Variants in ARPC1B observed in about 807,000 individuals in gnomAD.
ARPC1B encodes the protein actin-related protein 2/3 complex subunit 1B.
ARPC1B carries 29 observed loss-of-function variants against 46.0 expected under a neutral mutation model. The observed-to-expected ratio is 0.63, with a 90% CI of 0.47 to 0.86. The LOEUF is 0.86. Among genes scored for constraint, ARPC1B ranks in the 40% least tolerant of loss-of-function variants. The probability of loss-of-function intolerance (pLI) is 0.00; values close to 1 mark genes in which losing one functional copy is unlikely to be tolerated. For synonymous variants in ARPC1B, 201 were observed against 213.9 expected, an observed-to-expected ratio of 0.94 and a Z score of 0.53; for missense variants, 469 against 529.4, an observed-to-expected ratio of 0.89 and a Z score of 1.12.
Position 99,385,784 on chromosome 7 carries a change from T to C in ARPC1B, c.64+6T>C. Reference sequence around the variant, plus strand: ...CTGGAACAAGGACCGCACCCGTGAGTGCTTGCTGGGGGCCGGTGGGTGGCT... The same window carrying C: ...CTGGAACAAGGACCGCACCCGTGAGCGCTTGCTGGGGGCCGGTGGGTGGCT... On this transcript the variant is annotated splice_donor_region_variant and intron_variant, in intron 2 of 9. Coordinates refer to ENST00000646101, the MANE Select transcript of ARPC1B (RefSeq NM_005720.4). 6.2e-7 allele frequency: 1 copy of C among 1,607,034 alleles called. No homozygotes were observed. The highest frequency in any genetic ancestry group is 8.5e-7 in the Non-Finnish European group (1 of 1,178,236).
At chr7:99,391,600 T>C (rs1794572680) in intron 7 of ARPC1B, among the ~76,000 whole-genome samples, 1 of 151,970 alleles carries the variant, frequency 6.6e-6, no homozygotes, top group South Asian at 2.1e-4. Context: ...GTTAAGAAAT[T>C]AGCTGGGTGT....
At chr7:99,393,061 C>T (rs897956482) in intron 8 of ARPC1B, among the ~76,000 whole-genome samples, 185 bp downstream of exon 8, 4 of 151,910 alleles carry the variant, frequency 2.6e-5, no homozygotes, top group African/African-American at 7.2e-5. Flanking sequence ...TGATGAGCGG[C>T]GGGCCCGGAC....
At position 99,391,074 on chromosome 7, in the gene ARPC1B, C is replaced by T. The variant is rs748924502; in HGVS notation, c.682C>T (p.Leu228=). ...AWVSHDSTVC[L]ADADKKMAVA... is the part of the protein sequence containing the mutation. ...GGTAAGCCACGACAGCACCGTCTGC[C>T]TGGCTGATGCCGACAAGAAGATGGC... is the stretch of plus-strand genomic sequence containing the variant. The change falls in exon 6 of 10, where the codon CTG becomes TTG. Residue 228 remains leucine (L), a synonymous_variant. Transcript: ENST00000646101. The T allele has an allele frequency of 3.1e-6, 5 of 1,613,756 alleles. No homozygotes were observed. Among genetic ancestry groups the T allele is most frequent in the South Asian group, 2.2e-5 (2 of 91,022 alleles).
In ARPC1B at chr7:99,391,119, A is replaced by C; in HGVS notation, c.707+20A>C. 3 of 1,612,532 alleles carry C rather than the reference A, an allele frequency of 1.9e-6. No individual in the cohort carries two copies. The highest frequency in any genetic ancestry group is 2.5e-6 in the Non-Finnish European group (3 of 1,179,094). ...GATGGCGTGAGTCGAGGCCATCCCC[A>C]GGGGAGGAGGTGAGTGCAGAGGAGT... is the stretch of plus-strand genomic sequence containing the variant. On this transcript the variant is annotated intron_variant, in intron 6 of 9. Coordinates refer to ENST00000646101, the MANE Select transcript of ARPC1B (RefSeq NM_005720.4).
chr7:99,375,091 G>C (rs1325637495), intron 1 of ARPC1B, among the ~76,000 whole-genome samples: 1 of 139,808 alleles, frequency 7.2e-6, no homozygotes, highest in African/African-American at 3.3e-5. Context: ...GTGGAAACGC[G>C]GGCTCCCAGC....
At position 99,392,855 on chromosome 7, in the gene ARPC1B, C is replaced by G. The variant is rs553820051; in HGVS notation, c.968C>G (p.Ser323Trp). ...GGTAAGAGLD[S>W]LHKNSVSQIS... The stretch of plus-strand genomic sequence containing the variant: ...ACGGCTGCGGGCGCGGGCCTAGACT[C>G]GCTGCACAAGAACAGCGTCAGGTGA... Residue 323 changes from serine (S) to tryptophan (W), a missense_variant, in exon 8 of 10, where the codon TCG becomes TGG. Transcript: ENST00000646101. 1.0e-5 allele frequency: 16 copies of G among 1,546,890 alleles called. No homozygotes were observed. The highest frequency in any genetic ancestry group is 1.3e-5 in the Non-Finnish European group (15 of 1,144,540).
At chr7:99,377,997 T>C (rs1017318002) in intron 1 of ARPC1B, among the ~76,000 whole-genome samples, 4 of 152,124 alleles carry the variant, frequency 2.6e-5, no homozygotes, top group African/African-American at 9.7e-5. Flanking sequence ...CATAATTTAC[T>C]CTTTCCATAT....
chr7:99,379,657 C>A (rs1312248958), intron 1 of ARPC1B, among the ~76,000 whole-genome samples: 1 of 152,056 alleles, frequency 6.6e-6, no homozygotes, highest in African/African-American at 2.4e-5. Context: ...GCTGAGGGCA[C>A]CCAGCCAGTA....
In ARPC1B at chr7:99,391,040, C is replaced by T. The variant is rs117071116; in HGVS notation, c.648C>T (p.Arg216=). ...HGVCFSASGS[R]VAWVSHDSTV... ...TCTGTTTCTCAGCCAGCGGGAGCCGCGTGGCCTGGGTAAGCCACGACAGCA... is the reference window on the plus strand; with the variant it reads ...TCTGTTTCTCAGCCAGCGGGAGCCGTGTGGCCTGGGTAAGCCACGACAGCA... The change falls in exon 6 of 10, where the codon CGC becomes CGT. Residue 216 remains arginine, a synonymous_variant. Coordinates refer to ENST00000646101, the MANE Select transcript of ARPC1B (RefSeq NM_005720.4). 5.4e-4 allele frequency: 871 copies of T among 1,613,996 alleles called. 7 individuals are homozygous for T. In the East Asian group the frequency reaches 0.012, roughly 22 times the overall value.
At chr7:99,379,278 G>A (rs1794134113) in intron 1 of ARPC1B, among the ~76,000 whole-genome samples, 1 of 152,166 alleles carries the variant, frequency 6.6e-6, no homozygotes, top group Admixed American at 6.6e-5. Context: ...GGTACCTTAC[G>A]ATTGTTTTCA....
chr7:99,394,554 T>C lies in ARPC1B; in HGVS notation c.*65T>C. On this transcript the variant is annotated 3_prime_UTR_variant, in exon 10 of 10. Coordinates refer to ENST00000646101, the MANE Select transcript of ARPC1B (RefSeq NM_005720.4). ...AAGCGGGGAGAGGGGTCAGGGAGGC[T>C]AATGGTTGCTTTGCTGAATGTTTCT... The C allele has an allele frequency of 6.2e-7, 1 of 1,612,028 alleles. No individual in the cohort carries two copies. The highest frequency in any genetic ancestry group is 1.1e-5 in the South Asian group (1 of 90,868).
rs758934238 is a variant in ARPC1B at position 99,390,875 on chromosome 7, C to A, written c.501-18C>A. The stretch of plus-strand genomic sequence containing the variant: ...ACCATGCCTGGCTACTTTACCTCTA[C>A]TTTGCCTATCCCGGTAGGATCTTTT... On this transcript the variant is annotated intron_variant, in intron 5 of 9. Transcript: ENST00000646101. 1.3e-6 allele frequency: 2 copies of A among 1,583,754 alleles called. No homozygotes were observed. The highest frequency in any genetic ancestry group is 2.3e-5 in the East Asian group (1 of 44,368).
chr7:99,385,398 G>A (rs1030769521), intron 1 of ARPC1B, among the ~76,000 whole-genome samples: 8 of 149,942 alleles, frequency 5.3e-5, no homozygotes, highest in Non-Finnish European at 8.9e-5. Context: ...ACCCCACCCC[G>A]CCCCAGGGAG....
At chr7:99,387,619 C>T (rs1794433847) in intron 3 of ARPC1B, among the ~76,000 whole-genome samples, 1 of 151,872 alleles carries the variant, frequency 6.6e-6, no homozygotes, top group South Asian at 2.1e-4. Context: ...TGCCTGTAAT[C>T]CCAGCTACTT....
At chr7:99,375,439 G>C (rs1794008147) in intron 1 of ARPC1B, among the ~76,000 whole-genome samples, 1 of 152,188 alleles carries the variant, frequency 6.6e-6, no homozygotes, top group Admixed American at 6.5e-5. Context: ...CACCCCCTCA[G>C]CTGCAGGGCT....
intron 8 of ARPC1B, among the ~76,000 whole-genome samples, chr7:99,393,368 G>C (rs1332542893): frequency 6.6e-6 from 1 of 152,158 alleles, no homozygotes; most frequent in Non-Finnish European, 1.5e-5. Context: ...GCATTTCCGG[G>C]ACTTAGGTGG....
chr7:99,392,660 C>A lies in ARPC1B; in HGVS notation c.784-11C>A. ...TCCGCGGCGCTCCAATGGCCCCCGC[C>A]CTCCGCGCAGGGCCACGACTGCTTC... is the stretch of plus-strand genomic sequence containing the variant. On this transcript the variant is annotated splice_polypyrimidine_tract_variant and intron_variant, in intron 7 of 9. Transcript: ENST00000646101. The A allele has an allele frequency of 6.7e-7, 1 of 1,499,742 alleles. No homozygotes were observed. The allele number at this position is 1,499,742 out of a possible 1,614,324, so 92.9% of individuals were successfully genotyped here.
Position 99,391,175 on chromosome 7 carries a change from C to T in ARPC1B, c.708-3C>T, listed in dbSNP as rs377169175. On this transcript the variant is annotated splice_polypyrimidine_tract_variant and splice_region_variant and intron_variant, in intron 6 of 9. Transcript: ENST00000646101. ...ACCGTGACTCACAGCTCTCTCCCCTCAGCGTCGCGACTCTGGCCTCTGAAA... is the reference window on the plus strand; with the variant it reads ...ACCGTGACTCACAGCTCTCTCCCCTTAGCGTCGCGACTCTGGCCTCTGAAA... 6.2e-7 allele frequency: 1 copy of T among 1,613,852 alleles called. No individual in the cohort carries two copies. Among genetic ancestry groups the T allele is most frequent in the Non-Finnish European group, 8.5e-7 (1 of 1,179,938 alleles).
intron 1 of ARPC1B, among the ~76,000 whole-genome samples, chr7:99,378,129 G>A (rs984612834): frequency 6.6e-6 from 1 of 151,836 alleles, no homozygotes; most frequent in Non-Finnish European, 1.5e-5. Flanking sequence ...ACGAGATCTC[G>A]GCTCACTGCA....
Sources: gnomAD v4.1 joint callset for allele counts (sites outside exome capture counted in the v4.1 genomes callset) on GRCh38, gnomAD v4.1.1 for gene constraint, MANE v1.5 for transcripts, NCBI Gene and HGNC (gene_info 2026-07-23, HGNC 2026-07-21) for gene names.